AOPEP: variants seen among roughly 807,000 people sequenced by gnomAD.
AOPEP encodes the protein aminopeptidase O (putative), also known as aminopeptidase O.
Under a neutral mutation model 98.1 loss-of-function variants are expected in AOPEP, and 77 were observed. The observed-to-expected ratio is 0.78, with a 90% CI of 0.65 to 0.95. The LOEUF is 0.95. Among genes scored for constraint, AOPEP ranks in the 40% least tolerant of loss-of-function variants. The pLI is 0.00. For synonymous variants in AOPEP, 346 were observed against 365.3 expected, an observed-to-expected ratio of 0.95 and a Z score of 0.60; for missense variants, 1,024 against 1,024.7, an observed-to-expected ratio of 1.00 and a Z score of 0.01.
chr9:94,922,290 A>G (rs72748601), intron 5 of AOPEP, among the ~76,000 whole-genome samples: 13,320 of 151,960 alleles, frequency 0.088, 1,164 homozygotes, highest in African/African-American at 0.22. Flanking sequence ...GCAGTCATCC[A>G]CTCGTGGAAG....
At chr9:95,083,346 CCACACAGCGCACGCACCA>C (rs2070084155) in intron 16 of AOPEP, among the ~76,000 whole-genome samples, 1 of 150,006 alleles carries the variant, frequency 6.7e-6, no homozygotes. Flanking sequence ...ACAGCACACA[CCACACAGCGCACGCACCA>C]CACAGAGCAC....
At chr9:95,029,435 TA>T (rs2064114951) in intron 13 of AOPEP, among the ~76,000 whole-genome samples, 1 of 152,078 alleles carries the variant, frequency 6.6e-6, no homozygotes, top group Non-Finnish European at 1.5e-5. Flanking sequence ...CTCAGTAGGG[TA>T]AAGTTACTCG....
chr9:94,839,507 G>A (rs2042040887), intron 5 of AOPEP, among the ~76,000 whole-genome samples: 2 of 152,236 alleles, frequency 1.3e-5, no homozygotes, highest in Middle Eastern at 3.4e-3. Context: ...ACAGCTGTGA[G>A]CCACTACACC....
At chr9:94,733,105 C>CTTTTTTTT (rs537104658) in intron 1 of AOPEP, among the ~76,000 whole-genome samples, 3 of 128,938 alleles carry the variant, frequency 2.3e-5, no homozygotes, top group Admixed American at 8.1e-5. Context: ...TTTTCTTTCT[C>CTTTTTTTT]TTTTTTTTTT....
rs1254582959 is a variant in AOPEP at position 95,069,112 on chromosome 9, G to A, written c.2232+8302G>A. 7.9e-5 allele frequency among the ~76,000 whole-genome samples: 12 copies of A among 152,296 alleles called. No homozygotes were observed. In the South Asian group the frequency reaches 2.5e-3, roughly 32 times the overall value. ...CCTACTGAACTGTAAGCTCCTAGAG[G>A]ACAAGTGCTTATCTATTTTAGTCAC... On this transcript the variant is annotated intron_variant, in intron 14 of 16. Coordinates refer to ENST00000375315, the MANE Select transcript of AOPEP (RefSeq NM_001193329.3).
intron 7 of AOPEP, among the ~76,000 whole-genome samples, chr9:94,938,239 G>A (rs879471793): frequency 4.6e-5 from 7 of 152,210 alleles, no homozygotes; most frequent in Non-Finnish European, 1.0e-4. Flanking sequence ...TTTGTCCCTA[G>A]GGATTACGTC....
At chr9:95,100,506 G>A in the AOPEP span, 1 of 232,060 alleles carries the variant, frequency 4.3e-6, no homozygotes, top group East Asian at 6.1e-5. Flanking sequence ...ACAAAAGCAA[G>A]TCTTGACTCA....
intron 13 of AOPEP, among the ~76,000 whole-genome samples, chr9:95,017,140 C>T (rs1304985637): frequency 1.3e-5 from 2 of 152,012 alleles, no homozygotes; most frequent in Non-Finnish European, 2.9e-5. Context: ...GCAGAATGTA[C>T]CTCTGGATCC....
At chr9:94,738,890 T>G (rs992652022) in intron 1 of AOPEP, among the ~76,000 whole-genome samples, 2 of 152,210 alleles carry the variant, frequency 1.3e-5, no homozygotes, top group African/African-American at 4.8e-5. Context: ...ATATTTTAAA[T>G]TAATGATAAG....
chr9:95,147,334 A>T, the AOPEP span, among the ~76,000 whole-genome samples: 1 of 152,120 alleles, frequency 6.6e-6, no homozygotes, highest in Non-Finnish European at 1.5e-5. Flanking sequence ...CCTGACCAAC[A>T]TGGAAAACCC....
intron 5 of AOPEP, among the ~76,000 whole-genome samples, chr9:94,863,749 A>G (rs1404428275): frequency 6.6e-6 from 1 of 152,196 alleles, no homozygotes; most frequent in Non-Finnish European, 1.5e-5. Context: ...GGGTCAACTC[A>G]TAGTACATAA....
chr9:95,116,876 C>T, the AOPEP span, among the ~76,000 whole-genome samples: 10 of 152,344 alleles, frequency 6.6e-5, no homozygotes, highest in South Asian at 1.0e-3. Context: ...GGGGAAACTT[C>T]CCCTGCATTT....
intron 3 of AOPEP, among the ~76,000 whole-genome samples, chr9:94,789,592 A>G (rs775149087): frequency 1.5e-4 from 23 of 152,104 alleles, no homozygotes; most frequent in Non-Finnish European, 2.9e-4. Flanking sequence ...GAAAGTTTTT[A>G]TGGAGCAGTC....
intron 13 of AOPEP, among the ~76,000 whole-genome samples, chr9:95,031,275 G>C (rs2064274540): frequency 1.3e-5 from 2 of 152,174 alleles, no homozygotes; most frequent in Admixed American, 1.3e-4. Context: ...ATGAAGTGAA[G>C]TCAGTGCGTC....
intron 9 of AOPEP, among the ~76,000 whole-genome samples, chr9:94,960,993 G>A (rs1225030376): frequency 7.1e-6 from 1 of 141,502 alleles, no homozygotes; most frequent in Middle Eastern, 3.9e-3. Context: ...CGGCCTGGGC[G>A]ACAGAGCGAG....
chr9:94,919,953 A>G (rs963154381), intron 5 of AOPEP, among the ~76,000 whole-genome samples: 1 of 152,320 alleles, frequency 6.6e-6, no homozygotes, highest in African/African-American at 2.4e-5. Flanking sequence ...CCAGCTTGAT[A>G]AATGTAAGTC....
At chr9:95,110,769 C>T in the AOPEP span, 2 of 1,102,886 alleles carry the variant, frequency 1.8e-6, no homozygotes, top group Non-Finnish European at 2.2e-6. Flanking sequence ...GTTTTAAGAA[C>T]CTAGCAAATC....
At chr9:94,983,856 C>T (rs1288762624) in intron 11 of AOPEP, among the ~76,000 whole-genome samples, 1 of 145,276 alleles carries the variant, frequency 6.9e-6, no homozygotes, top group Non-Finnish European at 1.5e-5. Flanking sequence ...CTCCCCTCCC[C>T]CCTCCCCCGG....
At chr9:94,940,255 T>C (rs1176354648) in intron 7 of AOPEP, among the ~76,000 whole-genome samples, 1 of 152,244 alleles carries the variant, frequency 6.6e-6, no homozygotes, top group Non-Finnish European at 1.5e-5. Context: ...GCAATCCATT[T>C]AGAACATGTA....
Sources: gnomAD v4.1 joint callset for allele counts (sites outside exome capture counted in the v4.1 genomes callset) on GRCh38, gnomAD v4.1.1 for gene constraint, MANE v1.5 for transcripts, NCBI Gene and HGNC (gene_info 2026-07-23, HGNC 2026-07-21) for gene names.